The following ANK2 variants were observed in gnomAD, a reference collection of about 807,000 sequenced individuals.
The protein encoded by ANK2 is ankyrin 2.
ANK2 carries 83 observed loss-of-function variants against 360.5 expected under a neutral mutation model. That is an observed-to-expected ratio of 0.23 (90% CI 0.19 to 0.28). The LOEUF (loss-of-function observed/expected upper bound fraction) is 0.28, where lower values mean the gene tolerates loss of function less well. Among genes scored for constraint, ANK2 ranks in the 10% least tolerant of loss-of-function variants. The pLI is 1.00. For missense variants in ANK2, 4,201 were observed against 4,795.7 expected, an observed-to-expected ratio of 0.88 and a Z score of 3.66; for synonymous variants, 1,740 against 1,759.5, an observed-to-expected ratio of 0.99 and a Z score of 0.28.
At chr4:112,882,351 G>A (rs1182924242) in intron 1 of ANK2, 3 of 152,270 alleles carry the variant, frequency 2.0e-5, no homozygotes, top group Non-Finnish European at 4.4e-5. Flanking sequence ...GGTGGCACAA[G>A]CCAGATACTC....
chr4:113,045,226 A>G (rs544324866), upstream of ANK2, among the ~76,000 whole-genome samples: 1 of 152,346 alleles, frequency 6.6e-6, no homozygotes, highest in African/African-American at 2.4e-5. Context: ...TATGAAAATT[A>G]GAATAATCAC....
intron 14 of ANK2, among the ~76,000 whole-genome samples, chr4:113,266,787 G>T (rs1025208129): frequency 3.3e-5 from 5 of 152,164 alleles, no homozygotes; most frequent in Non-Finnish European, 7.4e-5. Context: ...TGAGGCAGGA[G>T]AATCTCTTGA....
At chr4:113,135,710 A>G (rs1049681071) in intron 1 of ANK2, among the ~76,000 whole-genome samples, 1 of 152,138 alleles carries the variant, frequency 6.6e-6, no homozygotes, top group African/African-American at 2.4e-5. Flanking sequence ...CTCATGAACC[A>G]TCTTGTGGTT....
At chr4:112,869,039 C>T (rs2071783435) in intron 1 of ANK2, among the ~76,000 whole-genome samples, 1 of 152,050 alleles carries the variant, frequency 6.6e-6, no homozygotes, top group South Asian at 2.1e-4. Context: ...TAGCTCACTG[C>T]AGTCTCCAAT....
chr4:112,850,249 CATCTATCTATCTATCTATCT>C (rs200885271), intron 1 of ANK2, among the ~76,000 whole-genome samples: 88 of 139,348 alleles, frequency 6.3e-4, no homozygotes, highest in African/African-American at 2.0e-3. Context: ...TAAGAAATTT[CATCTATCTATCTATCTATCT>C]ATCTATCTAT....
intron 2 of ANK2, among the ~76,000 whole-genome samples, chr4:112,999,898 G>A (rs2050003021): frequency 6.6e-6 from 1 of 152,168 alleles, no homozygotes; most frequent in African/African-American, 2.4e-5. Context: ...GTGTAGTAAA[G>A]TTGTGGCAAT....
intron 1 of ANK2, among the ~76,000 whole-genome samples, chr4:113,080,734 G>T (rs910287221): frequency 1.3e-5 from 2 of 152,132 alleles, no homozygotes; most frequent in African/African-American, 2.4e-5. Flanking sequence ...TTGTTTCGTG[G>T]ATGAGCAACC....
At chr4:112,860,200 GT>G (rs1452930155) in intron 1 of ANK2, among the ~76,000 whole-genome samples, 1 of 152,044 alleles carries the variant, frequency 6.6e-6, no homozygotes, top group Non-Finnish European at 1.5e-5. Context: ...TGGGACCTAA[GT>G]TTTTATTGGA....
intron 1 of ANK2, among the ~76,000 whole-genome samples, chr4:112,832,123 G>A (rs1279257025): frequency 1.3e-5 from 2 of 152,146 alleles, no homozygotes; most frequent in Admixed American, 1.3e-4. Context: ...ACAATCTCAG[G>A]CCACTGCAAC....
intron 2 of ANK2, among the ~76,000 whole-genome samples, chr4:112,937,383 G>A (rs1230808428): frequency 6.7e-6 from 1 of 149,476 alleles, no homozygotes; most frequent in African/African-American, 2.5e-5. Context: ...CTGGAGTACA[G>A]TGGTGCGATC....
At chr4:113,109,386 T>C (rs2094027762) in intron 1 of ANK2, among the ~76,000 whole-genome samples, 1 of 152,220 alleles carries the variant, frequency 6.6e-6, no homozygotes. Flanking sequence ...TGGAGCATTT[T>C]AAACCAAGTT....
intron 22 of ANK2, among the ~76,000 whole-genome samples, chr4:113,299,776 A>G (rs2153783288): frequency 6.6e-6 from 1 of 152,232 alleles, no homozygotes. Context: ...TTAAATGCAA[A>G]TCATTTTCCT....
At chr4:113,066,961 A>G (rs972835906) in intron 1 of ANK2, among the ~76,000 whole-genome samples, 4 of 151,994 alleles carry the variant, frequency 2.6e-5, no homozygotes, top group African/African-American at 7.2e-5. Context: ...AGTAAGCATT[A>G]TGTGAGTGTT....
At chr4:112,935,429 A>G (rs1440761531) in intron 2 of ANK2, among the ~76,000 whole-genome samples, 1 of 152,180 alleles carries the variant, frequency 6.6e-6, no homozygotes, top group Non-Finnish European at 1.5e-5. Context: ...TTCTAGGAGA[A>G]AGATGTCTGA....
At chr4:112,762,608 C>G in the ANK2 span, among the ~76,000 whole-genome samples, 1 of 152,204 alleles carries the variant, frequency 6.6e-6, no homozygotes, top group South Asian at 2.1e-4. Flanking sequence ...CTCCCGGGTT[C>G]AAGCGATTCT....
At chr4:113,245,699 G>T (rs1239084310) in intron 9 of ANK2, among the ~76,000 whole-genome samples, 1 of 152,156 alleles carries the variant, frequency 6.6e-6, no homozygotes, top group Non-Finnish European at 1.5e-5. Flanking sequence ...AATTCAAGAT[G>T]AGATTTAGGT....
chr4:113,187,904 C>T (rs998407367), intron 2 of ANK2, among the ~76,000 whole-genome samples: 19 of 152,076 alleles, frequency 1.2e-4, no homozygotes, highest in South Asian at 4.2e-4. Flanking sequence ...ATAATAATAC[C>T]TGTTATATCA....
intron 1 of ANK2, among the ~76,000 whole-genome samples, chr4:112,835,354 G>T (rs1226707314): frequency 6.6e-6 from 1 of 151,768 alleles, no homozygotes; most frequent in African/African-American, 2.4e-5. Context: ...TAATTTAATT[G>T]GTCATCTATT....
At chr4:113,091,867 C>T (rs78743224) in intron 1 of ANK2, among the ~76,000 whole-genome samples, 7 of 152,202 alleles carry the variant, frequency 4.6e-5, no homozygotes, top group East Asian at 1.9e-4. Context: ...CTCAGACATA[C>T]GTGACAGCCA....
Sources: gnomAD v4.1 joint callset for allele counts (sites outside exome capture counted in the v4.1 genomes callset) on GRCh38, gnomAD v4.1.1 for gene constraint, MANE v1.5 for transcripts, NCBI Gene and HGNC (gene_info 2026-07-23, HGNC 2026-07-21) for gene names.